Variants in POU2F1 observed in about 807,000 individuals in gnomAD.
POU2F1 encodes POU class 2 homeobox 1.
In POU2F1, 16 loss-of-function variants were observed where a neutral mutation model predicts 84.9. The ratio of observed to expected loss-of-function variants is 0.19; its 90% CI spans 0.13 to 0.29. The LOEUF is 0.29. Ranked by LOEUF, POU2F1 falls within the 10% of genes least tolerant of loss-of-function variation. The pLI, the probability that POU2F1 is intolerant of heterozygous loss-of-function variation, is 1.00. For missense variants in POU2F1, 738 were observed against 942.6 expected (o/e 0.78, Z 2.84); for synonymous variants, 368 against 368.3 (o/e 1.00, Z 0.01).
chr1:167,278,066 C>A (rs1652862511), intron 1 of POU2F1, among the ~76,000 whole-genome samples: 1 of 152,102 alleles, frequency 6.6e-6, no homozygotes, highest in Non-Finnish European at 1.5e-5. Flanking sequence ...GCATTATTTC[C>A]TGCTACTCTT....
chr1:167,352,995 A>G (rs545046689), intron 2 of POU2F1, among the ~76,000 whole-genome samples: 2 of 152,338 alleles, frequency 1.3e-5, no homozygotes, highest in East Asian at 1.9e-4. Flanking sequence ...GAGTAATATG[A>G]ACTGTTCATG....
intron 8 of POU2F1, among the ~76,000 whole-genome samples, chr1:167,388,826 G>T (rs926042209): frequency 6.6e-6 from 1 of 152,146 alleles, no homozygotes; most frequent in East Asian, 1.9e-4. Context: ...ATTAACTGGT[G>T]TTAGCATAGG....
chr1:167,259,044 C>A (rs916692924), intron 1 of POU2F1, among the ~76,000 whole-genome samples: 1 of 152,196 alleles, frequency 6.6e-6, no homozygotes, highest in African/African-American at 2.4e-5. Flanking sequence ...TTCTGCTGAT[C>A]TTAACCAGGC....
intron 1 of POU2F1, among the ~76,000 whole-genome samples, chr1:167,254,813 G>A (rs1384414822): frequency 6.6e-6 from 1 of 152,160 alleles, no homozygotes; most frequent in Non-Finnish European, 1.5e-5. Context: ...TGGTGTGTTA[G>A]CATTCATTTT....
intron 1 of POU2F1, among the ~76,000 whole-genome samples, chr1:167,278,546 G>C (rs1652898067): frequency 6.6e-6 from 1 of 152,146 alleles, no homozygotes; most frequent in South Asian, 2.1e-4. Context: ...ATCTGATTAG[G>C]CTTCAACGAT....
At chr1:167,379,729 G>A (rs908847202) in intron 7 of POU2F1, 3 of 152,174 alleles carry the variant, frequency 2.0e-5, no homozygotes, top group African/African-American at 7.2e-5. Context: ...AATTGCCAAA[G>A]CCTTAAGATA....
At chr1:167,375,138 T>C (rs1389699030) in intron 6 of POU2F1, among the ~76,000 whole-genome samples, 4 of 152,086 alleles carry the variant, frequency 2.6e-5, no homozygotes, top group Admixed American at 6.6e-5. Context: ...ATCAGTAAAA[T>C]ATATGAAGAG....
intron 1 of POU2F1, among the ~76,000 whole-genome samples, chr1:167,319,991 G>T (rs1656195700): frequency 2.0e-5 from 3 of 152,156 alleles, no homozygotes; most frequent in South Asian, 4.1e-4. Context: ...ATTAGATATT[G>T]CAGTAGCAAC....
At chr1:167,384,362 T>C (rs1647799741) in intron 8 of POU2F1, among the ~76,000 whole-genome samples, 1 of 152,148 alleles carries the variant, frequency 6.6e-6, no homozygotes, top group Admixed American at 6.5e-5. Flanking sequence ...AATGCTTTTA[T>C]GGTGCTTTAG....
At chr1:167,246,838 C>T (rs1328072016) in intron 1 of POU2F1, among the ~76,000 whole-genome samples, 1 of 152,078 alleles carries the variant, frequency 6.6e-6, no homozygotes, top group Non-Finnish European at 1.5e-5. Flanking sequence ...CTATTATATA[C>T]CTATGTACTT....
chr1:167,348,840 T>C (rs1297024244), intron 2 of POU2F1, among the ~76,000 whole-genome samples: 1 of 152,178 alleles, frequency 6.6e-6, no homozygotes, highest in African/African-American at 2.4e-5. Context: ...TTTGTACCTT[T>C]CTAAGAGCAA....
intron 1 of POU2F1, among the ~76,000 whole-genome samples, chr1:167,261,698 A>T (rs1002006531): frequency 1.3e-5 from 2 of 152,010 alleles, no homozygotes; most frequent in Non-Finnish European, 2.9e-5. Context: ...TTTGTTTTTT[A>T]AGACAGAGTC....
At chr1:167,361,163 C>T (rs1183752848) in intron 2 of POU2F1, among the ~76,000 whole-genome samples, 3 of 151,916 alleles carry the variant, frequency 2.0e-5, no homozygotes, top group Non-Finnish European at 2.9e-5. Context: ...TATTTAGATG[C>T]TGTTTATTTG....
chr1:167,249,047 T>C (rs938260710), intron 1 of POU2F1, among the ~76,000 whole-genome samples: 1 of 152,232 alleles, frequency 6.6e-6, no homozygotes. Context: ...CGGAGATAAG[T>C]ACCTGGGGTG....
chr1:167,337,621 C>T (rs904658999), intron 2 of POU2F1, among the ~76,000 whole-genome samples: 15 of 151,788 alleles, frequency 9.9e-5, no homozygotes, highest in Admixed American at 3.9e-4. Flanking sequence ...TCAGTGAAGG[C>T]CGTCTGTGGT....
chr1:167,307,469 C>CAAAAAAAAAAAAAAA (rs11354171), intron 1 of POU2F1, among the ~76,000 whole-genome samples: 1 of 137,670 alleles, frequency 7.3e-6, no homozygotes, highest in Non-Finnish European at 1.6e-5. Context: ...CTAGGATAAC[C>CAAAAAAAAAAAAAAA]AAAAAAAAAA....
chr1:167,323,325 A>T (rs551323194), intron 1 of POU2F1, among the ~76,000 whole-genome samples: 2 of 152,340 alleles, frequency 1.3e-5, no homozygotes, highest in East Asian at 3.9e-4. Flanking sequence ...TACAACCAAG[A>T]AATTCAGGAT....
intron 1 of POU2F1, among the ~76,000 whole-genome samples, chr1:167,250,677 T>C (rs1650662148): frequency 6.6e-6 from 1 of 152,200 alleles, no homozygotes; most frequent in Non-Finnish European, 1.5e-5. Flanking sequence ...CATTTTCTTA[T>C]CAACAAAGTG....
At chr1:167,340,905 C>T (rs1348015164) in intron 2 of POU2F1, among the ~76,000 whole-genome samples, 1 of 152,030 alleles carries the variant, frequency 6.6e-6, no homozygotes, top group East Asian at 1.9e-4. Context: ...CATGAGAATT[C>T]AGTGTAGGGG....
Sources: allele counts gnomAD v4.1 joint callset (sites outside exome capture counted in the v4.1 genomes callset), GRCh38; gene constraint gnomAD v4.1.1; transcripts MANE v1.5; gene names NCBI Gene and HGNC (gene_info 2026-07-23, HGNC 2026-07-21).